Variants in AKAP7 observed in about 807,000 individuals in gnomAD.
The protein encoded by AKAP7 is A-kinase anchoring protein 7.
Under a neutral mutation model 39.5 loss-of-function variants are expected in AKAP7, and 39 were observed. The observed-to-expected ratio is 0.99, with a 90% CI of 0.76 to 1.29. The LOEUF (loss-of-function observed/expected upper bound fraction) is 1.29. AKAP7 is among the 50% of genes most tolerant of loss of function. The pLI is 0.00. For synonymous variants in AKAP7, 140 were observed against 139.1 expected, an observed-to-expected ratio of 1.01 and a Z score of -0.05; for missense variants, 414 against 407.7, an observed-to-expected ratio of 1.02 and a Z score of -0.13.
chr6:131,282,486 AG>A lies in AKAP7; in HGVS notation c.*762del. On this transcript the variant is annotated 3_prime_UTR_variant, in exon 8 of 8. Transcript: ENST00000431975. Reference sequence around the variant, plus strand: ...CTGAAGTCCAAAGTGAAACAGATAAAGGAACTTTTATTAAAGCCTGAGACTC... The same window carrying A: ...CTGAAGTCCAAAGTGAAACAGATAAAGAACTTTTATTAAAGCCTGAGACTC... 1 of 1,535,852 alleles carries A rather than the reference AG, an allele frequency of 6.5e-7. No homozygotes were observed. Among genetic ancestry groups the A allele is most frequent in the South Asian group, 1.2e-5 (1 of 84,036 alleles).
chr6:131,202,495 T>C (rs1234773277), intron 6 of AKAP7, among the ~76,000 whole-genome samples: 1 of 150,806 alleles, frequency 6.6e-6, no homozygotes. Context: ...TCATTCTCAG[T>C]AAACTATCGC....
chr6:131,222,419 C>T (rs557564501), intron 7 of AKAP7, among the ~76,000 whole-genome samples: 2 of 151,790 alleles, frequency 1.3e-5, no homozygotes, highest in Non-Finnish European at 2.9e-5. Flanking sequence ...CCCAGCTACT[C>T]GGGAGGCTGA....
intron 3 of AKAP7, 28 bp from the exon 4 acceptor site, chr6:131,165,053 T>G: frequency 6.6e-7 from 1 of 1,508,618 alleles, no homozygotes; most frequent in East Asian, 2.4e-5. Flanking sequence ...CACTGGAATT[T>G]TTTTTATATG....
At chr6:131,258,179 ATGT>A (rs1248045171) in intron 7 of AKAP7, among the ~76,000 whole-genome samples, 7 of 152,148 alleles carry the variant, frequency 4.6e-5, no homozygotes, top group Admixed American at 1.3e-4. Context: ...ACTTCAATTA[ATGT>A]TGTTGAGCCC....
chr6:131,144,308 G>A (rs1801305097), intron 1 of AKAP7, among the ~76,000 whole-genome samples: 1 of 152,168 alleles, frequency 6.6e-6, no homozygotes, highest in South Asian at 2.1e-4. Context: ...TGGCGGGGCA[G>A]AGGGGCTCCT....
intron 6 of AKAP7, among the ~76,000 whole-genome samples, chr6:131,217,726 T>C (rs975870635): frequency 6.6e-6 from 1 of 152,134 alleles, no homozygotes; most frequent in Non-Finnish European, 1.5e-5. Flanking sequence ...AAGATTAGAG[T>C]CAATCTCATG....
chr6:131,263,918 C>T lies in AKAP7; in HGVS notation c.851-17612C>T, dbSNP rs533070405. Among the ~76,000 whole-genome samples the T allele has an allele frequency of 2.6e-5, 4 of 152,278 alleles. No individual in the cohort carries two copies. The East Asian group carries it at 7.7e-4, about 29-fold the overall frequency. On this transcript the variant is annotated intron_variant, in intron 7 of 7. Coordinates refer to ENST00000431975, the MANE Select transcript of AKAP7 (RefSeq NM_016377.4). ...ATGAGAACCACAATGCATCTCCTTT[C>T]ACTCTGAATTTTGGGAAGCTCAGAA...
chr6:131,184,292 T>C lies in AKAP7; in HGVS notation c.589+15019T>C, dbSNP rs556546503. 1.6e-5 allele frequency: 9 copies of C among 560,616 alleles called. No individual in the cohort carries two copies. The East Asian group carries it at 3.9e-4, about 24-fold the overall frequency. 34.7% of individuals were successfully genotyped at this position (560,616 alleles called of 1,614,324 possible). ...AATGAAGTGGAGGAGAGAAACAGCC[T>C]TAGATATGTCGGGGAGCAGGGGGGT... is the stretch of plus-strand genomic sequence containing the variant. On this transcript the variant is annotated intron_variant, in intron 5 of 7. Coordinates refer to ENST00000431975, the MANE Select transcript of AKAP7 (RefSeq NM_016377.4).
At chr6:131,162,687 C>T (rs1186430296) in intron 3 of AKAP7, among the ~76,000 whole-genome samples, 1 of 152,300 alleles carries the variant, frequency 6.6e-6, no homozygotes, top group East Asian at 1.9e-4. Context: ...AGCTCTTCTA[C>T]CCTTCCTTGG....
chr6:131,282,358 C>T lies in AKAP7; in HGVS notation c.*632C>T. 1.4e-6 allele frequency: 2 copies of T among 1,412,318 alleles called. No individual in the cohort carries two copies. The highest frequency in any genetic ancestry group is 9.2e-7 in the Non-Finnish European group (1 of 1,082,828). The allele number at this position is 1,412,318 out of a possible 1,614,324, so 87.5% of individuals were successfully genotyped here. On this transcript the variant is annotated 3_prime_UTR_variant, in exon 8 of 8. Coordinates refer to ENST00000431975, the MANE Select transcript of AKAP7 (RefSeq NM_016377.4). ...ATCCTATTTTGATAAGTCAGTATGC[C>T]ATATTTAATGAAATGTTATTATATA... is the stretch of plus-strand genomic sequence containing the variant.
At chr6:131,154,112 G>A (rs55752298) in intron 2 of AKAP7, among the ~76,000 whole-genome samples, 16,254 of 152,180 alleles carry the variant, frequency 0.11, 1,004 homozygotes, top group Middle Eastern at 0.2. Flanking sequence ...GGAGGCTGAG[G>A]CAGGAGAATC....
intron 7 of AKAP7, among the ~76,000 whole-genome samples, chr6:131,241,627 G>GTGTGTGTGTGTGTGTGTA: frequency 2.5e-4 from 22 of 86,670 alleles, no homozygotes; most frequent in African/African-American, 1.0e-3. Context: ...GTGTGTGTGT[G>GTGTGTGTGTGTGTGTGTA]TATATATATA....
At chr6:131,208,095 AG>A (rs1213484216) in intron 6 of AKAP7, among the ~76,000 whole-genome samples, 1 of 152,162 alleles carries the variant, frequency 6.6e-6, no homozygotes, top group East Asian at 1.9e-4. Flanking sequence ...AATTCTCATG[AG>A]GTAGAATGTA....
At chr6:131,213,419 AT>A (rs1458932644) in intron 6 of AKAP7, among the ~76,000 whole-genome samples, 1 of 152,242 alleles carries the variant, frequency 6.6e-6, no homozygotes, top group Non-Finnish European at 1.5e-5. Context: ...TTGTAAGTGT[AT>A]GTGGGAGATT....
chr6:131,210,260 G>C (rs185821339), intron 6 of AKAP7, among the ~76,000 whole-genome samples: 138 of 152,252 alleles, frequency 9.1e-4, no homozygotes, highest in African/African-American at 3.2e-3. Flanking sequence ...AATAATACTG[G>C]TTCTTCAAAA....
rs566528713 is a variant in AKAP7, at chr6:131,237,189, T to A, written c.850+17381T>A. 2.2e-4 allele frequency among the ~76,000 whole-genome samples: 33 copies of A among 152,322 alleles called. No individual in the cohort carries two copies. In the South Asian group the frequency reaches 6.6e-3, roughly 31 times the overall value. On this transcript the variant is annotated intron_variant, in intron 7 of 7. Coordinates refer to ENST00000431975, the MANE Select transcript of AKAP7 (RefSeq NM_016377.4). ...CATGTGGTTTTTGTCGTTGATTCTG[T>A]TTATATGCTGGATTATGTTTATTGA...
At chr6:131,249,153 T>C (rs1341730087) in intron 7 of AKAP7, among the ~76,000 whole-genome samples, 3 of 152,188 alleles carry the variant, frequency 2.0e-5, no homozygotes, top group African/African-American at 7.2e-5. Flanking sequence ...TTGCTTTTTA[T>C]TCCATAGATC....
chr6:131,280,714 G>C (rs1246940158), intron 7 of AKAP7, among the ~76,000 whole-genome samples: 1 of 152,186 alleles, frequency 6.6e-6, no homozygotes, highest in Non-Finnish European at 1.5e-5. Context: ...CTTAACTGGG[G>C]AAGGAGCCCC....
At chr6:131,255,889 CCCTCTTTTTCT>C (rs1812803303) in intron 7 of AKAP7, among the ~76,000 whole-genome samples, 1 of 152,128 alleles carries the variant, frequency 6.6e-6, no homozygotes, top group Non-Finnish European at 1.5e-5. Context: ...CTTTGACTTC[CCCTCTTTTTCT>C]CCTCCTCTTA....
Sources: gnomAD v4.1 joint callset for allele counts (sites outside exome capture counted in the v4.1 genomes callset) on GRCh38, gnomAD v4.1.1 for gene constraint, MANE v1.5 for transcripts, NCBI Gene and HGNC (gene_info 2026-07-23, HGNC 2026-07-21) for gene names.